MYO5A: variants seen among roughly 807,000 people sequenced by gnomAD.
MYO5A encodes the protein unconventional myosin-Va.
Under a neutral mutation model 249.7 loss-of-function variants are expected in MYO5A, and 98 were observed. That is an observed-to-expected ratio of 0.39 (90% CI 0.33 to 0.46). The LOEUF (loss-of-function observed/expected upper bound fraction) is 0.46, where lower values mean the gene tolerates loss of function less well. Ranked by LOEUF, MYO5A falls within the 20% of genes least tolerant of loss-of-function variation. The pLI is 0.98. For missense variants in MYO5A, 1,696 were observed against 2,308.8 expected (o/e 0.73, Z 5.44); for synonymous variants, 778 against 810.6 (o/e 0.96, Z 0.68).
intron 23 of MYO5A, among the ~76,000 whole-genome samples, chr15:52,366,247 T>C (rs1331253545): frequency 6.6e-6 from 1 of 152,222 alleles, no homozygotes; most frequent in Non-Finnish European, 1.5e-5. Context: ...TGTATACTTT[T>C]TTCTCAATAT....
chr15:52,454,462 C>G (rs1228998711), intron 1 of MYO5A, among the ~76,000 whole-genome samples: 2 of 152,228 alleles, frequency 1.3e-5, no homozygotes, highest in Non-Finnish European at 2.9e-5. Context: ...ATCACCCAGA[C>G]AGAAAATCAA....
At chr15:52,448,957 C>CTTTTTTTTTTTTTTTTTTT (rs145765339) in intron 1 of MYO5A, among the ~76,000 whole-genome samples, 2 of 55,580 alleles carry the variant, frequency 3.6e-5, no homozygotes, top group Non-Finnish European at 6.3e-5. Flanking sequence ...TCTTGTCTTT[C>CTTTTTTTTTTTTTTTTTTT]TTTTTTTTTT....
rs547562788 is a variant in MYO5A, at chr15:52,423,369, A to G, written c.455+2461T>C. Reference sequence around the variant, plus strand: ...AGATAGAGACCAACCTGGCTAACACAGTGAAACCCCGTCTCCACTAAAAAT... The same window carrying G: ...AGATAGAGACCAACCTGGCTAACACGGTGAAACCCCGTCTCCACTAAAAAT... On this transcript the variant is annotated intron_variant, in intron 4 of 41. Coordinates refer to ENST00000399233, the MANE Select transcript of MYO5A (RefSeq NM_001382347.1). Among the ~76,000 whole-genome samples the G allele has an allele frequency of 1.3e-3, 200 of 151,904 alleles. 8 individuals carry two copies. In the South Asian group the frequency reaches 0.039, roughly 30 times the overall value.
chr15:52,398,569 C>G (rs1215605775), intron 9 of MYO5A, among the ~76,000 whole-genome samples: 4 of 152,142 alleles, frequency 2.6e-5, no homozygotes, highest in African/African-American at 9.7e-5. Flanking sequence ...ACTCAAGCAC[C>G]CCTTCCTTCT....
chr15:52,332,369 T>C (rs2038931057), intron 34 of MYO5A, among the ~76,000 whole-genome samples: 1 of 152,198 alleles, frequency 6.6e-6, no homozygotes, highest in African/African-American at 2.4e-5. Flanking sequence ...TACACCCCAA[T>C]TTCAGAGATG....
rs1004910937 is a variant in MYO5A, at chr15:52,384,261, G to C, written c.1814C>G (p.Thr605Ser). ...DEKAISPTSA[T>S]SSGRTPLTRT... ...TGTGAGGGGTGTGCGCCCTGAGGAG[G>C]TGGCTGAAGTTGGACTGATGGCCTT... The change falls in exon 15 of 42, where the codon ACC becomes AGC. Residue 605 changes from threonine to serine, a missense_variant. By Grantham distance (58) the Thr-to-Ser change is moderately conservative. Transcript: ENST00000399233. The C allele has an allele frequency of 1.2e-6, 2 of 1,614,076 alleles. No homozygotes were observed. The highest frequency in any genetic ancestry group is 2.7e-5 in the African/African-American group (2 of 74,914).
In MYO5A at chr15:52,520,737, C is replaced by T. The variant is rs113074166; in HGVS notation, c.27+8043G>A. On this transcript the variant is annotated intron_variant, in intron 1 of 41. Transcript: ENST00000399233. Reference sequence around the variant, plus strand: ...TGCCAAACCTCTCATCCATAAATTACCCAGACCCTCTCTATTTACATCCTG... The same window carrying T: ...TGCCAAACCTCTCATCCATAAATTATCCAGACCCTCTCTATTTACATCCTG... 7.4e-3 allele frequency among the ~76,000 whole-genome samples: 1,126 copies of T among 152,288 alleles called. 4 individuals are homozygous for T. Among genetic ancestry groups the T allele is most frequent in the Middle Eastern group, 0.01 (3 of 294 alleles).
chr15:52,505,655 C>G (rs1027202855), intron 1 of MYO5A: 1 of 1,268,830 alleles, frequency 7.9e-7, no homozygotes, highest in African/African-American at 1.5e-5. Flanking sequence ...ACAGATATGG[C>G]GAAATTAGAG....
intron 1 of MYO5A, among the ~76,000 whole-genome samples, chr15:52,448,957 C>CTTTTTTTTTTTTTTTTTTTTTTTTTT (rs145765339): frequency 2.0e-4 from 11 of 55,592 alleles, no homozygotes; most frequent in East Asian, 6.1e-4. Flanking sequence ...TCTTGTCTTT[C>CTTTTTTTTTTTTTTTTTTTTTTTTTT]TTTTTTTTTT....
intron 21 of MYO5A, among the ~76,000 whole-genome samples, chr15:52,370,948 CA>C (rs11349501): frequency 0.097 from 14,733 of 151,634 alleles, 2,234 homozygotes; most frequent in African/African-American, 0.33. Flanking sequence ...CCCGTCTTTA[CA>C]AAAAAATTTA....
At chr15:52,423,141 T>C (rs2075317513) in intron 4 of MYO5A, among the ~76,000 whole-genome samples, 1 of 152,156 alleles carries the variant, frequency 6.6e-6, no homozygotes, top group Non-Finnish European at 1.5e-5. Context: ...TAAATCTCTA[T>C]TACATGAATG....
At chr15:52,355,406 A>G (rs962187507) in intron 25 of MYO5A, among the ~76,000 whole-genome samples, 1 of 152,240 alleles carries the variant, frequency 6.6e-6, no homozygotes, top group Non-Finnish European at 1.5e-5. Flanking sequence ...AAAACAGTGA[A>G]GAGAGTTTAG....
At chr15:52,442,355 G>C (rs183933918) in intron 1 of MYO5A, among the ~76,000 whole-genome samples, 1 of 152,280 alleles carries the variant, frequency 6.6e-6, no homozygotes, top group East Asian at 1.9e-4. Flanking sequence ...CAGTAAAATG[G>C]GTGTAAGAGA....
At chr15:52,399,114 T>G (rs2042625387) in intron 9 of MYO5A, among the ~76,000 whole-genome samples, 1 of 152,230 alleles carries the variant, frequency 6.6e-6, no homozygotes, top group Admixed American at 6.5e-5. Context: ...CTGTTTGGTT[T>G]AAATTCTCCA....
chr15:52,461,325 A>G (rs2076244597), intron 1 of MYO5A, among the ~76,000 whole-genome samples: 1 of 152,206 alleles, frequency 6.6e-6, no homozygotes, highest in Non-Finnish European at 1.5e-5. Context: ...GCAGTGGTTA[A>G]TTTTTGTTTT....
At chr15:52,432,561 T>A (rs2075564018) in intron 2 of MYO5A, among the ~76,000 whole-genome samples, 1 of 152,244 alleles carries the variant, frequency 6.6e-6, no homozygotes, top group South Asian at 2.1e-4. Context: ...TTAATGACTT[T>A]GAAGTTTGGC....
At chr15:52,380,164 G>C (rs1320552624) in intron 16 of MYO5A, among the ~76,000 whole-genome samples, 1 of 152,192 alleles carries the variant, frequency 6.6e-6, no homozygotes, top group Non-Finnish European at 1.5e-5. Context: ...TGCTGGGCGA[G>C]GTAGCTCACA....
At chr15:52,522,076 T>C (rs1483535049) in intron 1 of MYO5A, among the ~76,000 whole-genome samples, 1 of 152,144 alleles carries the variant, frequency 6.6e-6, no homozygotes, top group Non-Finnish European at 1.5e-5. Context: ...GTAATAAGTA[T>C]CTCTATTGGT....
chr15:52,448,339 C>A lies in MYO5A; in HGVS notation c.28-15054G>T, dbSNP rs111261985. ...TTGTACTTGCATGAGGTTTGTAGGC[C>A]CCTTCTTTTGGCTGATTTCTCCCAT... is the stretch of plus-strand genomic sequence containing the variant. On this transcript the variant is annotated intron_variant, in intron 1 of 41. Coordinates refer to ENST00000399233, the MANE Select transcript of MYO5A (RefSeq NM_001382347.1). 1.4e-3 allele frequency among the ~76,000 whole-genome samples: 206 copies of A among 152,278 alleles called. 1 individual carries two copies. The highest frequency in any genetic ancestry group is 6.9e-3 in the East Asian group (36 of 5,184).
Sources: gnomAD v4.1 joint callset for allele counts (sites outside exome capture counted in the v4.1 genomes callset) on GRCh38, gnomAD v4.1.1 for gene constraint, MANE v1.5 for transcripts, NCBI Gene and HGNC (gene_info 2026-07-23, HGNC 2026-07-21) for gene names.